NUP210: variants seen among roughly 807,000 people sequenced by gnomAD.
NUP210 encodes the protein nuclear pore membrane glycoprotein 210.
In NUP210, 151 loss-of-function variants were observed where a neutral mutation model predicts 196.0. The observed-to-expected ratio is 0.77, with a 90% CI of 0.67 to 0.88. The LOEUF is 0.88. Ranked by LOEUF, NUP210 falls within the 40% of genes least tolerant of loss-of-function variation. NUP210 has a pLI of 0.00. For missense variants in NUP210, 2,314 were observed against 2,493.7 expected (o/e 0.93, Z 1.53); for synonymous variants, 1,070 against 1,052.7 (o/e 1.02, Z -0.32).
intron 1 of NUP210, among the ~76,000 whole-genome samples, chr3:13,412,985 A>G (rs1428296900): frequency 6.6e-6 from 1 of 151,594 alleles, no homozygotes; most frequent in Non-Finnish European, 1.5e-5. Context: ...AAAGAAAAAA[A>G]GCCAGGCACA....
In NUP210 at chr3:13,353,556, G is replaced by C. The variant is rs752399283; in HGVS notation, c.2626C>G (p.Pro876Ala). The change falls in exon 18 of 40, where the codon CCG (proline) becomes GCG (alanine). Residue 876 changes from proline (P) to alanine (A), a missense_variant and splice_region_variant. Pro to Ala is a conservative substitution (Grantham distance 27). Coordinates refer to ENST00000254508, the MANE Select transcript of NUP210 (RefSeq NM_024923.4). The part of the protein sequence containing the change: ...SHLSSARTKQ[P>A]HDPLVPLSAS... Reference sequence around the variant, plus strand: ...CACCACTGGGCCCTGGGAGATACCGGCTGCTTTGTTCTGGCAGAGCTGAGG... The same window carrying C: ...CACCACTGGGCCCTGGGAGATACCGCCTGCTTTGTTCTGGCAGAGCTGAGG... The C allele has an allele frequency of 1.2e-6, 2 of 1,613,362 alleles. No homozygotes were observed. Among genetic ancestry groups the C allele is most frequent in the South Asian group, 1.1e-5 (1 of 91,060 alleles).
intron 14 of NUP210, 152 bp downstream of exon 14, chr3:13,365,794 G>T: frequency 3.4e-6 from 3 of 871,862 alleles, no homozygotes; most frequent in South Asian, 3.1e-5. Flanking sequence ...CATGAATCCT[G>T]CTTTCAGCCA....
intron 16 of NUP210, among the ~76,000 whole-genome samples, chr3:13,356,462 G>C (rs574822947): frequency 4.6e-5 from 7 of 152,272 alleles, no homozygotes; most frequent in African/African-American, 1.7e-4. Flanking sequence ...GACCAATATG[G>C]TGAAACCCTG....
chr3:13,322,243 A>G lies in NUP210; in HGVS notation c.4865T>C (p.Phe1622Ser). 1 of 1,614,168 alleles carries G rather than the reference A, an allele frequency of 6.2e-7. No individual in the cohort carries two copies. The highest frequency in any genetic ancestry group is 8.5e-7 in the Non-Finnish European group (1 of 1,180,024). ...QSQFKPAVFD[F>S]PSQDVFTVEP... Reference sequence around the variant, plus strand: ...CACGGTGAACACATCTTGAGATGGGAAATCAAAGACGGCCGGCTTGAACTG... The same window carrying G: ...CACGGTGAACACATCTTGAGATGGGGAATCAAAGACGGCCGGCTTGAACTG... Residue 1622 changes from phenylalanine to serine, a missense_variant, in exon 35 of 40, where the codon TTC (phenylalanine) becomes TCC (serine). Physicochemically the swap from Phe to Ser is radical, Grantham distance 155. Transcript: ENST00000254508.
At position 13,327,236 on chromosome 3, in the gene NUP210, A is replaced by G; in HGVS notation, c.4488T>C (p.Thr1496=). ...MVVGDVLCLA[T]VLTSLEGLSG... ...TCTTACCTTCCAGGCTGGTCAGAAC[A>G]GTGGCCAGACAGAGCACGTCCCCCA... is the stretch of plus-strand genomic sequence containing the variant. The change falls in exon 32 of 40, where the codon ACT becomes ACC. Residue 1496 remains threonine, a synonymous_variant. Transcript: ENST00000254508. 6.2e-7 allele frequency: 1 copy of G among 1,613,202 alleles called. No individual in the cohort carries two copies. Among genetic ancestry groups the G allele is most frequent in the Non-Finnish European group, 8.5e-7 (1 of 1,179,930 alleles).
chr3:13,336,955 C>G, intron 26 of NUP210, 37 bp from the exon 27 acceptor site: 1 of 1,610,620 alleles, frequency 6.2e-7, no homozygotes, highest in Non-Finnish European at 8.5e-7. Flanking sequence ...AGCAGTAGCT[C>G]CCAGCACTGG....
intron 38 of NUP210, 32 bp from the exon 39 acceptor site, chr3:13,319,187 C>G (rs550245584): frequency 1.9e-6 from 3 of 1,611,148 alleles, no homozygotes; most frequent in Admixed American, 1.7e-5. Context: ...TAGAGCAGGT[C>G]GGGGCAGGGG....
At chr3:13,364,498 C>T (rs999983627) in intron 14 of NUP210, among the ~76,000 whole-genome samples, 1 of 152,198 alleles carries the variant, frequency 6.6e-6, no homozygotes, top group African/African-American at 2.4e-5. Flanking sequence ...TGCTCTGTGC[C>T]AGGCACTGAA....
At chr3:13,390,309 G>C (rs920861830) in intron 4 of NUP210, among the ~76,000 whole-genome samples, 1 of 152,158 alleles carries the variant, frequency 6.6e-6, no homozygotes, top group Admixed American at 6.5e-5. Flanking sequence ...GCCTAAAATT[G>C]CTGCAAAAGG....
Position 13,388,424 on chromosome 3 carries a change from A to G in NUP210, c.563T>C (p.Ile188Thr). The G allele has an allele frequency of 6.2e-7, 1 of 1,611,638 alleles. No individual in the cohort carries two copies. Among genetic ancestry groups the G allele is most frequent in the Non-Finnish European group, 8.5e-7 (1 of 1,179,080 alleles). Reference protein sequence around the residue: ...RILTFLESTYIPPSYISEMEK... With the variant: ...RILTFLESTYTPPSYISEMEK... Reference sequence around the variant, plus strand: ...CATCTCTGAGATGTAAGAAGGAGGGATGTACGTAGACTCCAAGAAAGTGAG... The same window carrying G: ...CATCTCTGAGATGTAAGAAGGAGGGGTGTACGTAGACTCCAAGAAAGTGAG... The change falls in exon 5 of 40, where the codon ATC (isoleucine) becomes ACC (threonine). Residue 188 changes from isoleucine (I) to threonine (T), a missense_variant. Physicochemically the swap from Ile to Thr is moderately conservative, Grantham distance 89. Coordinates refer to ENST00000254508, the MANE Select transcript of NUP210 (RefSeq NM_024923.4).
At chr3:13,354,698 C>T (rs1698110292) in intron 16 of NUP210, 2 of 152,600 alleles carry the variant, frequency 1.3e-5, no homozygotes, top group Admixed American at 1.3e-4. Flanking sequence ...TGGGTTTGTA[C>T]AGCTCCTTTG....
At position 13,340,117 on chromosome 3, in the gene NUP210, T is replaced by G; in HGVS notation, c.3292-84A>C. ...CCCACTCAGAGAGCCAGGGCCCCAG[T>G]GCAGGCAGCTTCTGCCTTCTTCTCC... On this transcript the variant is annotated intron_variant, in intron 24 of 39. Coordinates refer to ENST00000254508, the MANE Select transcript of NUP210 (RefSeq NM_024923.4). This position sits in a 1 kb window ranked among gnomAD's most constrained non-coding sequence, Gnocchi z 4.0. 1 of 1,601,640 alleles carries G rather than the reference T, an allele frequency of 6.2e-7. No individual in the cohort carries two copies. Among genetic ancestry groups the G allele is most frequent in the Non-Finnish European group, 8.5e-7 (1 of 1,171,880 alleles).
Position 13,321,765 on chromosome 3 carries a change from C to T in NUP210, c.4986G>A (p.Lys1662=). Residue 1662 remains lysine (K), a synonymous_variant, in exon 36 of 40, where the codon AAG becomes AAA. Transcript: ENST00000254508. ...DKQRKHLSMK[K]TALVVSASLS... ...GGGAGGCACTGACCACCAGAGCTGT[C>T]TTCTTCATGCTCAGGTGCTTCCGCT... The T allele has an allele frequency of 6.2e-7, 1 of 1,613,202 alleles. No individual in the cohort carries two copies. The highest frequency in any genetic ancestry group is 8.5e-7 in the Non-Finnish European group (1 of 1,180,032).
intron 3 of NUP210, among the ~76,000 whole-genome samples, chr3:13,395,141 G>C (rs1405052068): frequency 6.6e-6 from 1 of 152,164 alleles, no homozygotes; most frequent in African/African-American, 2.4e-5. Context: ...ATCCAGGGCT[G>C]CTGGGCACCA....
At chr3:13,318,747 G>A (rs958047076) in intron 39 of NUP210, among the ~76,000 whole-genome samples, 4 of 152,150 alleles carry the variant, frequency 2.6e-5, no homozygotes, top group South Asian at 4.1e-4. Context: ...GAGTCAGCTC[G>A]TCCAACCCCA....
At chr3:13,413,579 T>TG (rs1323490954) in intron 1 of NUP210, among the ~76,000 whole-genome samples, 1 of 152,154 alleles carries the variant, frequency 6.6e-6, no homozygotes, top group African/African-American at 2.4e-5. Context: ...CAGTAAGTCC[T>TG]GGGGGGAAGC....
Position 13,360,494 on chromosome 3 carries a change from G to A in NUP210, c.1933-3C>T, listed in dbSNP as rs1488856951. The A allele has an allele frequency of 1.2e-6, 2 of 1,602,692 alleles. No individual in the cohort carries two copies. The highest frequency in any genetic ancestry group is 3.4e-5 in the Admixed American group (2 of 58,156). On this transcript the variant is annotated splice_polypyrimidine_tract_variant and splice_region_variant and intron_variant, in intron 14 of 39. Transcript: ENST00000254508. ...GCAACAGAGGAGGGATCCACAGCCTGGGGACAGAAGAGGCAGAAGACTTGG... is the reference window on the plus strand; with the variant it reads ...GCAACAGAGGAGGGATCCACAGCCTAGGGACAGAAGAGGCAGAAGACTTGG...
At chr3:13,364,034 A>T (rs1698452584) in intron 14 of NUP210, among the ~76,000 whole-genome samples, 1 of 151,904 alleles carries the variant, frequency 6.6e-6, no homozygotes, top group African/African-American at 2.4e-5. Flanking sequence ...TGACACTCTC[A>T]CCTGCTGCAG....
chr3:13,322,044 C>T (rs1696552278), intron 35 of NUP210, 149 bp downstream of exon 35: 4 of 1,161,846 alleles, frequency 3.4e-6, no homozygotes, highest in Non-Finnish European at 2.5e-6. Context: ...CTCCCAAGTC[C>T]CCCTGGCGTC....
Sources: gnomAD v4.1 joint callset for allele counts (sites outside exome capture counted in the v4.1 genomes callset) on GRCh38, gnomAD v4.1.1 for gene constraint, Gnocchi (gnomAD v3.1) non-coding constraint, MANE v1.5 for transcripts, NCBI Gene and HGNC (gene_info 2026-07-23, HGNC 2026-07-21) for gene names.